AFG2A: variants seen among roughly 807,000 people sequenced by gnomAD.
AFG2A encodes the protein AAA ATPase AFG2A.
At chr4:123,254,321 A>C in the AFG2A span, among the ~76,000 whole-genome samples, 697 of 151,974 alleles carry the variant, frequency 4.6e-3, 5 homozygotes, top group Middle Eastern at 0.017. Context: ...GTCAATGTTC[A>C]TTTTTTTCAT....
At chr4:123,233,179 A>C in the AFG2A span, among the ~76,000 whole-genome samples, 1 of 152,072 alleles carries the variant, frequency 6.6e-6, no homozygotes, top group Non-Finnish European at 1.5e-5. Flanking sequence ...AAAATGTAAT[A>C]GACTTGTCGT....
the AFG2A span, among the ~76,000 whole-genome samples, chr4:123,081,844 G>A: frequency 6.6e-6 from 1 of 152,096 alleles, no homozygotes; most frequent in South Asian, 2.1e-4. Flanking sequence ...ATTCTAGTGG[G>A]TGTGTAATGG....
chr4:123,067,119 A>G, the AFG2A span, among the ~76,000 whole-genome samples: 1 of 152,170 alleles, frequency 6.6e-6, no homozygotes, highest in Non-Finnish European at 1.5e-5. Context: ...TACGTGTACC[A>G]TGAAAATTAT....
At chr4:122,986,864 C>T in the AFG2A span, among the ~76,000 whole-genome samples, 146 of 152,222 alleles carry the variant, frequency 9.6e-4, no homozygotes, top group African/African-American at 3.3e-3. Context: ...TTCAAGTCTG[C>T]TGTTTCCTTA....
chr4:123,118,346 AT>A, the AFG2A span, among the ~76,000 whole-genome samples: 1 of 48,628 alleles, frequency 2.1e-5, no homozygotes, highest in African/African-American at 3.7e-5. Flanking sequence ...ATATTATATT[AT>A]ATATATTATA....
chr4:122,949,949 A>C, the AFG2A span, among the ~76,000 whole-genome samples: 3 of 152,232 alleles, frequency 2.0e-5, no homozygotes, highest in Non-Finnish European at 2.9e-5. Flanking sequence ...GCCATTTCCC[A>C]GAACCACGTA....
the AFG2A span, among the ~76,000 whole-genome samples, chr4:123,147,279 A>T: frequency 6.6e-6 from 1 of 152,002 alleles, no homozygotes; most frequent in Non-Finnish European, 1.5e-5. Context: ...TTGAGAATTC[A>T]CTTGTGATGG....
At chr4:123,008,084 A>T in the AFG2A span, among the ~76,000 whole-genome samples, 1 of 152,174 alleles carries the variant, frequency 6.6e-6, no homozygotes, top group South Asian at 2.1e-4. Flanking sequence ...TGGATAATTT[A>T]TAAAGAAAAG....
At chr4:123,266,377 C>A in the AFG2A span, among the ~76,000 whole-genome samples, 1 of 151,804 alleles carries the variant, frequency 6.6e-6, no homozygotes, top group African/African-American at 2.4e-5. Flanking sequence ...AGGTGCTTAT[C>A]CTAGTAAGCA....
chr4:123,283,158 T>G, the AFG2A span, among the ~76,000 whole-genome samples: 1 of 152,208 alleles, frequency 6.6e-6, no homozygotes, highest in African/African-American at 2.4e-5. Context: ...TGGAAACTTA[T>G]GTATAATTTC....
At chr4:123,220,335 G>A in the AFG2A span, among the ~76,000 whole-genome samples, 7 of 152,064 alleles carry the variant, frequency 4.6e-5, no homozygotes, top group Non-Finnish European at 7.4e-5. Context: ...ATCTGGGCCT[G>A]GTGGGGTGGC....
At chr4:122,967,936 A>T in the AFG2A span, among the ~76,000 whole-genome samples, 6 of 152,188 alleles carry the variant, frequency 3.9e-5, no homozygotes, top group Non-Finnish European at 7.3e-5. Context: ...TTGTATATGT[A>T]CATATGGATA....
the AFG2A span, among the ~76,000 whole-genome samples, chr4:123,143,240 AGTT>A: frequency 1.3e-4 from 19 of 151,918 alleles, no homozygotes; most frequent in African/African-American, 4.6e-4. Flanking sequence ...AAAATTTTTA[AGTT>A]GTTGTACCTT....
At chr4:123,207,425 C>T in the AFG2A span, among the ~76,000 whole-genome samples, 103 of 152,216 alleles carry the variant, frequency 6.8e-4, no homozygotes, top group African/African-American at 2.3e-3. Flanking sequence ...GCCATCCTCC[C>T]ACTTCAGCCT....
chr4:122,940,771 A>G, the AFG2A span, among the ~76,000 whole-genome samples: 2 of 151,518 alleles, frequency 1.3e-5, no homozygotes, highest in African/African-American at 4.8e-5. Context: ...TTTAGGTCTA[A>G]CGTTTAAGTC....
the AFG2A span, among the ~76,000 whole-genome samples, chr4:123,267,492 A>G: frequency 6.6e-6 from 1 of 152,068 alleles, no homozygotes; most frequent in African/African-American, 2.4e-5. Flanking sequence ...ATCATAAATT[A>G]GATATTTTCC....
At chr4:122,941,576 C>A in the AFG2A span, among the ~76,000 whole-genome samples, 2 of 152,358 alleles carry the variant, frequency 1.3e-5, no homozygotes, top group African/African-American at 4.8e-5. Context: ...ATGTTGTCTG[C>A]AAACAGGGAC....
At chr4:123,048,178 G>A in the AFG2A span, among the ~76,000 whole-genome samples, 31 of 152,114 alleles carry the variant, frequency 2.0e-4, no homozygotes, top group Non-Finnish European at 3.8e-4. Context: ...TAATGAATGT[G>A]GATTTATTTC....
the AFG2A span, among the ~76,000 whole-genome samples, chr4:123,061,965 A>C: frequency 6.6e-6 from 1 of 152,344 alleles, no homozygotes; most frequent in South Asian, 2.1e-4. Flanking sequence ...GGGAGGTAGA[A>C]TATGTAGCAA....
Sources: allele counts gnomAD v4.1 joint callset (sites outside exome capture counted in the v4.1 genomes callset), GRCh38; gene constraint gnomAD v4.1.1; transcripts MANE v1.5; gene names NCBI Gene and HGNC (gene_info 2026-07-23, HGNC 2026-07-21).